LTBP1: variants seen among roughly 807,000 people sequenced by gnomAD.
LTBP1 encodes the protein latent transforming growth factor beta binding protein 1.
In LTBP1, 129 loss-of-function variants were observed where a neutral mutation model predicts 207.6. That is an observed-to-expected ratio of 0.62 (90% CI 0.54 to 0.72). The LOEUF (loss-of-function observed/expected upper bound fraction) is 0.72. Ranked by LOEUF, LTBP1 falls within the 30% of genes least tolerant of loss-of-function variation. The pLI is 0.00. For missense variants in LTBP1, 2,281 were observed against 2,217.2 expected (o/e 1.03, Z -0.58); for synonymous variants, 963 against 833.7 (o/e 1.16, Z -2.67).
At chr2:32,986,506 G>A (rs1349316423) in intron 2 of LTBP1, among the ~76,000 whole-genome samples, 2 of 152,212 alleles carry the variant, frequency 1.3e-5, no homozygotes, top group Non-Finnish European at 2.9e-5. Context: ...TGGTGATACC[G>A]TGACCTGAAC....
chr2:33,332,197 T>C (rs1236027981), intron 24 of LTBP1, among the ~76,000 whole-genome samples: 1 of 151,888 alleles, frequency 6.6e-6, no homozygotes, highest in Admixed American at 6.6e-5. Flanking sequence ...TATTTAAGTA[T>C]CCTCAAATAG....
intron 9 of LTBP1, among the ~76,000 whole-genome samples, chr2:33,227,326 CT>C: frequency 6.6e-6 from 1 of 152,170 alleles, no homozygotes; most frequent in Admixed American, 6.5e-5. Context: ...TGTGCCTGGC[CT>C]TTTTGTATTA....
At chr2:32,979,978 C>A (rs923094541) in intron 2 of LTBP1, among the ~76,000 whole-genome samples, 2 of 152,040 alleles carry the variant, frequency 1.3e-5, no homozygotes, top group Non-Finnish European at 2.9e-5. Flanking sequence ...TTGTCTGATA[C>A]AAGTATAACT....
chr2:32,956,494 G>A lies in LTBP1; in HGVS notation c.565+7549G>A, dbSNP rs1018330584. Among the ~76,000 whole-genome samples the A allele has an allele frequency of 3.3e-5, 5 of 152,074 alleles. No individual in the cohort carries two copies. In the East Asian group the frequency reaches 7.7e-4, roughly 23 times the overall value. The stretch of plus-strand genomic sequence containing the variant: ...AGCAGCTCCTCATCTCTTCAAGTTC[G>A]AACATGAGATTGCAGCAATTCAGTC... On this transcript the variant is annotated intron_variant, in intron 2 of 33. Transcript: ENST00000404816.
Position 33,134,527 on chromosome 2 carries a change from A to G in LTBP1, c.1034-266A>G. ...TGTGGTTAGTAATCCCACTCCAGTGACTCGACTTCAAATGTGGTTTTGGAG... is the reference window on the plus strand; with the variant it reads ...TGTGGTTAGTAATCCCACTCCAGTGGCTCGACTTCAAATGTGGTTTTGGAG... On this transcript the variant is annotated intron_variant, in intron 4 of 33. Transcript: ENST00000404816. The surrounding 1 kb of genome is among the most constrained non-coding windows in gnomAD (Gnocchi z 4.4). The G allele has an allele frequency of 6.7e-7, 1 of 1,490,958 alleles. No individual in the cohort carries two copies. Among genetic ancestry groups the G allele is most frequent in the South Asian group, 1.2e-5 (1 of 82,530 alleles). 92.4% of individuals were successfully genotyped at this position (1,490,958 alleles called of 1,614,324 possible).
intron 7 of LTBP1, among the ~76,000 whole-genome samples, chr2:33,205,805 G>A (rs1440890357): frequency 6.6e-6 from 1 of 152,162 alleles, no homozygotes; most frequent in African/African-American, 2.4e-5. Flanking sequence ...AAGGTTAAGT[G>A]AGATCATAAG....
chr2:33,397,219 G>C lies in LTBP1; in HGVS notation c.4921G>C (p.Glu1641Gln), dbSNP rs2095366759. The C allele has an allele frequency of 1.2e-6, 2 of 1,614,048 alleles. No individual in the cohort carries two copies. The highest frequency in any genetic ancestry group is 1.3e-5 in the African/African-American group (1 of 74,920). Residue 1641 changes from glutamate to glutamine, a missense_variant, in exon 33 of 34, where the codon GAA (glutamate) becomes CAA (glutamine). Transcript: ENST00000404816. ...CENGRCVRVQ[E>Q]GYTCDCFDGY... The stretch of plus-strand genomic sequence containing the variant: ...AAATGGTCGCTGTGTGAGGGTCCAG[G>C]AAGGTTACACCTGCGATTGCTTTGA...
intron 22 of LTBP1, 94 bp from the exon 23 acceptor site, chr2:33,309,340 A>G: frequency 1.3e-6 from 1 of 775,344 alleles, no homozygotes; most frequent in East Asian, 3.1e-5. Context: ...ATTATAAATG[A>G]TGTAAAATAG....
chr2:33,385,823 T>C (rs1363228342), intron 31 of LTBP1, among the ~76,000 whole-genome samples: 25 of 152,180 alleles, frequency 1.6e-4, no homozygotes, highest in Non-Finnish European at 4.4e-5. Flanking sequence ...ATGACGGGAC[T>C]TTAGCACATC....
chr2:33,088,430 C>T (rs1022485963), intron 3 of LTBP1, among the ~76,000 whole-genome samples: 12 of 151,602 alleles, frequency 7.9e-5, no homozygotes, highest in African/African-American at 1.5e-4. Context: ...TCAGCCTTGG[C>T]GACAGGGCGA....
Position 33,134,667 on chromosome 2 carries a change from GCT to G in LTBP1, c.1034-119_1034-118del. 6.3e-7 allele frequency: 1 copy of G among 1,578,930 alleles called. No homozygotes were observed. The highest frequency in any genetic ancestry group is 8.6e-7 in the Non-Finnish European group (1 of 1,164,448). ...TTTCCTTAAACCTGTCGGGTTGTGG[GCT>G]CTCTCTTTTCCCCTCTTGCTCCTTT... On this transcript the variant is annotated intron_variant, in intron 4 of 33. Coordinates refer to ENST00000404816, the MANE Select transcript of LTBP1 (RefSeq NM_206943.4). The surrounding 1 kb of genome is among the most constrained non-coding windows in gnomAD (Gnocchi z 4.4).
At chr2:32,993,028 C>T (rs566319373) in intron 2 of LTBP1, among the ~76,000 whole-genome samples, 13 of 152,094 alleles carry the variant, frequency 8.5e-5, no homozygotes, top group African/African-American at 2.2e-4. Context: ...AGTTTGGTAT[C>T]GGGTGCGTTG....
rs1046741290 is a variant in LTBP1 at position 33,217,765 on chromosome 2, A to G, written c.1804+111A>G. On this transcript the variant is annotated intron_variant, in intron 8 of 33. Coordinates refer to ENST00000404816, the MANE Select transcript of LTBP1 (RefSeq NM_206943.4). ...GACTTTCAAAGAACTCTCCTACTGA[A>G]TTCTAGAATGTAGTACTATGATGTG... 4 of 795,384 alleles carry G rather than the reference A, an allele frequency of 5.0e-6. No individual in the cohort carries two copies. In the African/African-American group the frequency reaches 6.9e-5, roughly 14 times the overall value. 49.3% of individuals were successfully genotyped at this position (795,384 alleles called of 1,614,324 possible).
chr2:33,123,082 C>T (rs542243216), intron 4 of LTBP1, among the ~76,000 whole-genome samples: 9 of 152,336 alleles, frequency 5.9e-5, no homozygotes, highest in African/African-American at 2.2e-4. Context: ...CCCTTTATAG[C>T]TCTTAGTCCT....
At chr2:33,197,204 A>G (rs996037144) in intron 7 of LTBP1, among the ~76,000 whole-genome samples, 1 of 152,230 alleles carries the variant, frequency 6.6e-6, no homozygotes, top group Non-Finnish European at 1.5e-5. Context: ...TTGATCTCAT[A>G]GAACTATATA....
intron 2 of LTBP1, among the ~76,000 whole-genome samples, chr2:32,991,900 T>G (rs1398165998): frequency 1.3e-5 from 2 of 152,148 alleles, no homozygotes; most frequent in African/African-American, 4.8e-5. Context: ...AAAAATGAAA[T>G]TGGTTTTGTT....
Position 33,008,832 on chromosome 2 carries a change from G to A in LTBP1, c.566-12077G>A, listed in dbSNP as rs73924116. ...GAAGGGCAGCCCCAGAGAAGGCTGAGTGGTTTTAGGAAGGGAGCCTGTGAC... is the reference window on the plus strand; with the variant it reads ...GAAGGGCAGCCCCAGAGAAGGCTGAATGGTTTTAGGAAGGGAGCCTGTGAC... On this transcript the variant is annotated intron_variant, in intron 2 of 33. Transcript: ENST00000404816. Among the ~76,000 whole-genome samples the A allele has an allele frequency of 8.0e-3, 1,214 of 152,344 alleles. 10 individuals carry two copies. The highest frequency in any genetic ancestry group is 0.026 in the African/African-American group (1,081 of 41,570).
chr2:33,312,118 C>T (rs1169401354), intron 23 of LTBP1, among the ~76,000 whole-genome samples: 1 of 152,160 alleles, frequency 6.6e-6, no homozygotes, highest in Non-Finnish European at 1.5e-5. Flanking sequence ...GTTTTGTGAT[C>T]TTTCACTCTG....
chr2:33,232,508 C>T (rs112665739), intron 9 of LTBP1, among the ~76,000 whole-genome samples: 3,803 of 152,212 alleles, frequency 0.025, 71 homozygotes, highest in Non-Finnish European at 0.038. Flanking sequence ...CTTTTTCCCT[C>T]ATATAGCTAA....
Sources: gnomAD v4.1 joint callset for allele counts (sites outside exome capture counted in the v4.1 genomes callset) on GRCh38, gnomAD v4.1.1 for gene constraint, Gnocchi (gnomAD v3.1) non-coding constraint, MANE v1.5 for transcripts, NCBI Gene and HGNC (gene_info 2026-07-23, HGNC 2026-07-21) for gene names.